VEGFC: variants seen among roughly 807,000 people sequenced by gnomAD.
The protein encoded by VEGFC is FLT4 ligand DHM.
Under a neutral mutation model 46.1 loss-of-function variants are expected in VEGFC, and 12 were observed. The observed-to-expected ratio is 0.26, with a 90% CI of 0.17 to 0.42. The LOEUF is 0.42. Among genes scored for constraint, VEGFC ranks in the 10% least tolerant of loss-of-function variants. The probability of loss-of-function intolerance (pLI) is 1.00; values close to 1 mark genes in which losing one functional copy is unlikely to be tolerated. For missense variants in VEGFC, 488 were observed against 529.4 expected, an observed-to-expected ratio of 0.92 and a Z score of 0.77; for synonymous variants, 232 against 195.5, an observed-to-expected ratio of 1.19 and a Z score of -1.56.
intron 1 of VEGFC, among the ~76,000 whole-genome samples, chr4:176,738,531 C>T (rs1189044566): frequency 6.6e-6 from 1 of 152,014 alleles, no homozygotes; most frequent in African/African-American, 2.4e-5. Flanking sequence ...CCTTTCCTTA[C>T]ATCATATGCA....
At chr4:176,782,375 G>A (rs1735931691) in intron 1 of VEGFC, among the ~76,000 whole-genome samples, 1 of 151,776 alleles carries the variant, frequency 6.6e-6, no homozygotes, top group Non-Finnish European at 1.5e-5. Context: ...GAGGTAGGTG[G>A]ATCACTTGAG....
chr4:176,704,136 G>GTC (rs576301427), intron 4 of VEGFC, among the ~76,000 whole-genome samples: 13 of 152,058 alleles, frequency 8.5e-5, no homozygotes, highest in South Asian at 6.2e-4. Context: ...GGCTTTTGTG[G>GTC]TCTCTCTCTC....
intron 1 of VEGFC, among the ~76,000 whole-genome samples, chr4:176,741,045 A>G (rs182341695): frequency 6.6e-6 from 1 of 152,070 alleles, no homozygotes; most frequent in African/African-American, 2.4e-5. Flanking sequence ...ATTTTTATCA[A>G]TGTAATTAAT....
At chr4:176,712,466 G>A (rs75667741) in intron 3 of VEGFC, among the ~76,000 whole-genome samples, 4,796 of 152,150 alleles carry the variant, frequency 0.032, 236 homozygotes, top group African/African-American at 0.11. Flanking sequence ...CATTGATTAA[G>A]TAAAACTAAG....
chr4:176,779,565 G>A (rs1735871926), intron 1 of VEGFC, among the ~76,000 whole-genome samples: 1 of 152,140 alleles, frequency 6.6e-6, no homozygotes, highest in African/African-American at 2.4e-5. Flanking sequence ...TGAGCACCCA[G>A]GGGCACATCA....
At chr4:176,747,301 T>C (rs539335636) in intron 1 of VEGFC, among the ~76,000 whole-genome samples, 2 of 152,104 alleles carry the variant, frequency 1.3e-5, no homozygotes, top group South Asian at 2.1e-4. Flanking sequence ...GAGTTATTCA[T>C]ACATAAATGA....
At chr4:176,777,229 A>G (rs573536613) in intron 1 of VEGFC, among the ~76,000 whole-genome samples, 1 of 152,190 alleles carries the variant, frequency 6.6e-6, no homozygotes, top group African/African-American at 2.4e-5. Flanking sequence ...AGGCAGGACA[A>G]TGGCTTGAAC....
At chr4:176,684,354 G>C (rs1216231773) in intron 6 of VEGFC, among the ~76,000 whole-genome samples, 1 of 152,192 alleles carries the variant, frequency 6.6e-6, no homozygotes, top group Non-Finnish European at 1.5e-5. Flanking sequence ...TTCTGAAAGT[G>C]AACACTGAAG....
At chr4:176,730,683 T>A (rs1003651639) in intron 1 of VEGFC, among the ~76,000 whole-genome samples, 2 of 152,026 alleles carry the variant, frequency 1.3e-5, no homozygotes, top group Admixed American at 6.6e-5. Context: ...GTCCCCCACC[T>A]CTCCATGGTT....
intron 1 of VEGFC, among the ~76,000 whole-genome samples, chr4:176,781,010 G>C (rs1490152389): frequency 2.6e-5 from 4 of 152,068 alleles, no homozygotes; most frequent in South Asian, 4.2e-4. Flanking sequence ...GTCTCTAACA[G>C]AGCAGGCTTC....
At chr4:176,685,503 A>G (rs935999302) in intron 6 of VEGFC, among the ~76,000 whole-genome samples, 1 of 152,180 alleles carries the variant, frequency 6.6e-6, no homozygotes, top group African/African-American at 2.4e-5. Context: ...AGTCTTTTTG[A>G]AAGAATGTAT....
chr4:176,761,784 A>T (rs977177577), intron 1 of VEGFC, among the ~76,000 whole-genome samples: 4 of 152,184 alleles, frequency 2.6e-5, no homozygotes, highest in African/African-American at 9.7e-5. Context: ...AGAAATAATA[A>T]AAAGGAAGTG....
intron 1 of VEGFC, among the ~76,000 whole-genome samples, chr4:176,786,099 C>T (rs1009125125): frequency 6.6e-6 from 1 of 152,130 alleles, no homozygotes; most frequent in East Asian, 1.9e-4. Flanking sequence ...CTTTAAGAAA[C>T]CCTGCAGTTG....
chr4:176,764,039 T>C (rs1033991682), intron 1 of VEGFC, among the ~76,000 whole-genome samples: 21 of 152,126 alleles, frequency 1.4e-4, no homozygotes, highest in African/African-American at 5.1e-4. Context: ...CTGACCATGA[T>C]GGAATAGCTT....
At chr4:176,768,330 T>A (rs1375433436) in intron 1 of VEGFC, among the ~76,000 whole-genome samples, 1 of 151,826 alleles carries the variant, frequency 6.6e-6, no homozygotes, top group East Asian at 1.9e-4. Context: ...GACAGTGGGC[T>A]GAGCCCTGAA....
intron 3 of VEGFC, among the ~76,000 whole-genome samples, chr4:176,721,624 T>G (rs1467255947): frequency 6.6e-6 from 1 of 152,136 alleles, no homozygotes; most frequent in Non-Finnish European, 1.5e-5. Context: ...GAATAGCAAT[T>G]AGTTTTGGTG....
At chr4:176,738,697 C>T (rs1485112559) in intron 1 of VEGFC, among the ~76,000 whole-genome samples, 7 of 152,102 alleles carry the variant, frequency 4.6e-5, no homozygotes, top group East Asian at 3.9e-4. Context: ...CAAAGATTGA[C>T]GAATGGGATC....
At chr4:176,758,489 G>A (rs72713971) in intron 1 of VEGFC, among the ~76,000 whole-genome samples, 2,669 of 152,084 alleles carry the variant, frequency 0.018, 30 homozygotes, top group Non-Finnish European at 0.026. Flanking sequence ...TTTAATCTTG[G>A]CAGCTGGTGC....
intron 3 of VEGFC, among the ~76,000 whole-genome samples, chr4:176,727,519 A>G (rs1370689992): frequency 6.6e-6 from 1 of 152,104 alleles, no homozygotes; most frequent in African/African-American, 2.4e-5. Flanking sequence ...ACGTATATTT[A>G]TTGTTTTCTG....
Sources: allele counts gnomAD v4.1 joint callset (sites outside exome capture counted in the v4.1 genomes callset), GRCh38; gene constraint gnomAD v4.1.1; transcripts MANE v1.5; gene names NCBI Gene and HGNC (gene_info 2026-07-23, HGNC 2026-07-21).